SLC6A5: variants seen among roughly 807,000 people sequenced by gnomAD.
SLC6A5 encodes the protein solute carrier family 6 member 5.
In SLC6A5, 58 loss-of-function variants were observed where a neutral mutation model predicts 90.5. The ratio of observed to expected loss-of-function variants is 0.64; its 90% CI spans 0.52 to 0.80. The LOEUF (loss-of-function observed/expected upper bound fraction) is 0.80. Ranked by LOEUF, SLC6A5 falls within the 30% of genes least tolerant of loss-of-function variation. SLC6A5 has a pLI of 0.00. For missense variants in SLC6A5, 1,015 were observed against 1,017.6 expected, an observed-to-expected ratio of 1.00 and a Z score of 0.03; for synonymous variants, 427 against 401.4, an observed-to-expected ratio of 1.06 and a Z score of -0.76.
chr11:20,647,471 A>T (rs1853442743), intron 14 of SLC6A5, among the ~76,000 whole-genome samples: 1 of 138,950 alleles, frequency 7.2e-6, no homozygotes, highest in Non-Finnish European at 1.5e-5. Context: ...ATTTATATAT[A>T]TATCAGTTCC....
intron 3 of SLC6A5, 42 bp downstream of exon 3, chr11:20,604,466 G>C: frequency 6.2e-7 from 1 of 1,605,122 alleles, no homozygotes; most frequent in Non-Finnish European, 8.5e-7. Context: ...GGGGCGGGGC[G>C]GGCACCTGAG....
rs756585303 is a variant in SLC6A5 at position 20,628,077 on chromosome 11, G to A, written c.1493G>A (p.Cys498Tyr). 10 of 1,612,318 alleles carry A rather than the reference G, an allele frequency of 6.2e-6. 1 individual carries two copies. In the South Asian group the frequency reaches 1.1e-4, roughly 18 times the overall value. Residue 498 changes from cysteine to tyrosine, a missense_variant, in exon 9 of 16, where the codon TGC (cysteine) becomes TAC (tyrosine). Around this residue, in one of 3 missense-constraint regions of SLC6A5, gnomAD observed 442 missense variants for 494.3 expected, o/e 0.89. Coordinates refer to ENST00000525748, the MANE Select transcript of SLC6A5 (RefSeq NM_004211.5). Reference sequence around the variant, plus strand: ...TCTTACAACAAATTCCACAACAACTGCTACAGGTATGTAGAGGTACTACAA... The same window carrying A: ...TCTTACAACAAATTCCACAACAACTACTACAGGTATGTAGAGGTACTACAA... ...LSSYNKFHNN[C>Y]YRDTLIVTCT...
intron 10 of SLC6A5, among the ~76,000 whole-genome samples, chr11:20,635,860 C>T (rs1008424831): frequency 6.6e-6 from 1 of 152,184 alleles, no homozygotes; most frequent in African/African-American, 2.4e-5. Flanking sequence ...CCCCTACCCC[C>T]AGCTCACCCG....
At chr11:20,636,470 C>A (rs2133808642) in intron 11 of SLC6A5, 51 bp downstream of exon 11, 1 of 1,177,338 alleles carries the variant, frequency 8.5e-7, no homozygotes, top group South Asian at 1.2e-5. Flanking sequence ...TGAAGACTCC[C>A]CCTCTCCTGG....
chr11:20,647,068 T>A (rs1853430441), intron 14 of SLC6A5, 134 bp downstream of exon 14: 2 of 722,252 alleles, frequency 2.8e-6, no homozygotes, highest in Non-Finnish European at 5.0e-6. Flanking sequence ...GGTGGTGGTC[T>A]TGTCTTTCAA....
intron 5 of SLC6A5, among the ~76,000 whole-genome samples, chr11:20,608,120 G>A (rs1363684591): frequency 6.6e-6 from 1 of 152,186 alleles, no homozygotes; most frequent in African/African-American, 2.4e-5. Context: ...AAAAGTGATG[G>A]TCTAATTCCT....
At chr11:20,614,075 G>T (rs935745430) in intron 5 of SLC6A5, among the ~76,000 whole-genome samples, 2 of 152,150 alleles carry the variant, frequency 1.3e-5, no homozygotes, top group East Asian at 3.9e-4. Flanking sequence ...GCTTACCCAC[G>T]TGAGAGTAGA....
chr11:20,613,874 G>T (rs186038984), intron 5 of SLC6A5, among the ~76,000 whole-genome samples: 39 of 152,044 alleles, frequency 2.6e-4, no homozygotes, highest in Admixed American at 5.2e-4. Flanking sequence ...TGCATTGTAG[G>T]ATATTTAGTA....
intron 1 of SLC6A5, 114 bp downstream of exon 1, chr11:20,599,789 G>C (rs1729424294): frequency 8.2e-7 from 1 of 1,218,824 alleles, no homozygotes; most frequent in South Asian, 1.2e-5. Flanking sequence ...GGGGGAAAGG[G>C]GGCGACGAGG....
intron 7 of SLC6A5, among the ~76,000 whole-genome samples, chr11:20,619,648 A>T (rs111266878): frequency 1.3e-5 from 2 of 152,150 alleles, no homozygotes; most frequent in African/African-American, 4.8e-5. Flanking sequence ...TGGCCAATAA[A>T]TGAAAAGCAC....
At chr11:20,613,921 A>T (rs1852738183) in intron 5 of SLC6A5, among the ~76,000 whole-genome samples, 1 of 152,228 alleles carries the variant, frequency 6.6e-6, no homozygotes, top group Non-Finnish European at 1.5e-5. Context: ...GACACCAGTA[A>T]GCACCAGGTC....
At position 20,603,614 on chromosome 11, in the gene SLC6A5, C is replaced by T. The variant is rs79426731; in HGVS notation, c.541-672C>T. Among the ~76,000 whole-genome samples, 659 of 152,184 alleles carry T rather than the reference C, an allele frequency of 4.3e-3. 10 individuals carry two copies. The highest frequency in any genetic ancestry group is 0.015 in the African/African-American group (620 of 41,522). ...CAACCTTTTTTGTTTGTTTGTTTTC[C>T]GTCTTGTTTCACCTTCAAATATCCC... is the stretch of plus-strand genomic sequence containing the variant. On this transcript the variant is annotated intron_variant, in intron 2 of 15. Coordinates refer to ENST00000525748, the MANE Select transcript of SLC6A5 (RefSeq NM_004211.5).
intron 14 of SLC6A5, among the ~76,000 whole-genome samples, chr11:20,649,612 G>A (rs1156367941): frequency 6.6e-6 from 1 of 152,150 alleles, no homozygotes; most frequent in Non-Finnish European, 1.5e-5. Context: ...TGCTGGAATA[G>A]GCTAAGATTA....
Position 20,646,908 on chromosome 11 carries a change from G to C in SLC6A5, c.2044G>C (p.Ala682Pro), listed in dbSNP as rs748089794. 1.2e-6 allele frequency: 2 copies of C among 1,613,164 alleles called. No homozygotes were observed. Among genetic ancestry groups the C allele is most frequent in the South Asian group, 2.2e-5 (2 of 91,054 alleles). ...TAACATCTTCTGGAAAGTCTGCTGG[G>C]CATTTGTAACCCCAACCATTTTAAC... is the stretch of plus-strand genomic sequence containing the variant. ...QPNIFWKVCW[A>P]FVTPTILTFI... The change falls in exon 14 of 16, where the codon GCA (alanine) becomes CCA (proline). Residue 682 changes from alanine to proline, a missense_variant. Physicochemically the swap from Ala to Pro is conservative, Grantham distance 27. Coordinates refer to ENST00000525748, the MANE Select transcript of SLC6A5 (RefSeq NM_004211.5).
intron 1 of SLC6A5, among the ~76,000 whole-genome samples, chr11:20,600,342 GAA>G (rs1852437125): frequency 1.6e-4 from 7 of 44,916 alleles, no homozygotes; most frequent in African/African-American, 5.2e-4. Flanking sequence ...AGAGGAAGAA[GAA>G]GAAGAAGAAG....
chr11:20,606,991 C>T lies in SLC6A5; in HGVS notation c.680-16C>T, dbSNP rs1269079415. 1.2e-6 allele frequency: 2 copies of T among 1,614,014 alleles called. No homozygotes were observed. The highest frequency in any genetic ancestry group is 1.7e-6 in the Non-Finnish European group (2 of 1,179,992). On this transcript the variant is annotated splice_polypyrimidine_tract_variant and intron_variant, in intron 3 of 15. Transcript: ENST00000525748. ...TTTTGCCTCCTAGGGCTCTCACTCC[C>T]CACTCTCTTTCCAAGGTGCTTTCCT...
chr11:20,641,231 C>T (rs183149906), intron 13 of SLC6A5, among the ~76,000 whole-genome samples: 3 of 152,224 alleles, frequency 2.0e-5, no homozygotes. Flanking sequence ...TGTGATTGAA[C>T]AGCCACTACC....
At chr11:20,612,926 C>T (rs1852720105) in intron 5 of SLC6A5, among the ~76,000 whole-genome samples, 1 of 152,118 alleles carries the variant, frequency 6.6e-6, no homozygotes, top group Non-Finnish European at 1.5e-5. Context: ...CATCTTTTGC[C>T]ACAACATCTG....
At chr11:20,600,480 G>C (rs955969237) in intron 1 of SLC6A5, among the ~76,000 whole-genome samples, 1 of 152,190 alleles carries the variant, frequency 6.6e-6, no homozygotes, top group Non-Finnish European at 1.5e-5. Flanking sequence ...GTGAATACGA[G>C]TTGTGTAAGA....
Sources: allele counts gnomAD v4.1 joint callset (sites outside exome capture counted in the v4.1 genomes callset), GRCh38; gene constraint gnomAD v4.1.1; regional missense constraint gnomAD v4.1.1; transcripts MANE v1.5; gene names NCBI Gene and HGNC (gene_info 2026-07-23, HGNC 2026-07-21).